Variants in ADAM10 observed in about 807,000 individuals in gnomAD.
The protein encoded by ADAM10 is ADAM metallopeptidase domain 10.
Under a neutral mutation model 90.1 loss-of-function variants are expected in ADAM10, and 17 were observed. The ratio of observed to expected loss-of-function variants is 0.19; its 90% CI spans 0.13 to 0.28. The LOEUF is 0.28. Ranked by LOEUF, ADAM10 falls within the 10% of genes least tolerant of loss-of-function variation. ADAM10 has a pLI of 1.00. For missense variants in ADAM10, 610 were observed against 914.3 expected (o/e 0.67, Z 4.29); for synonymous variants, 310 against 298.6 (o/e 1.04, Z -0.40).
rs1350725865 is a variant in ADAM10, at chr15:58,592,553, T to C, written c.*4994A>G. 6 of 152,118 alleles carry C rather than the reference T, an allele frequency of 3.9e-5. No individual in the cohort carries two copies. Among genetic ancestry groups the C allele is most frequent in the Non-Finnish European group, 7.4e-5 (5 of 68,012 alleles). 9.4% of individuals were successfully genotyped at this position (152,118 alleles called of 1,614,324 possible). A position where few individuals can be genotyped will look rare whatever the true frequency, so the allele number is the denominator to read the frequency against. ...TACATTTCTTTCTTACAGGTGGAAT[T>C]AGTGATTTATCCAAAGGAGTCTGGT... On this transcript the variant is annotated 3_prime_UTR_variant, in exon 16 of 16. Coordinates refer to ENST00000260408, the MANE Select transcript of ADAM10 (RefSeq NM_001110.4).
chr15:58,682,148 T>C (rs1897458934), intron 3 of ADAM10, 48 bp downstream of exon 3: 2 of 1,596,742 alleles, frequency 1.3e-6, no homozygotes, highest in Admixed American at 1.7e-5. Context: ...TATCTTTGTG[T>C]AGAAAAAAAA....
At chr15:58,699,489 T>TGGCTCAC (rs1194819563) in intron 2 of ADAM10, among the ~76,000 whole-genome samples, 1 of 152,200 alleles carries the variant, frequency 6.6e-6, no homozygotes, top group East Asian at 1.9e-4. Flanking sequence ...CTGGGCACAG[T>TGGCTCAC]GGCTCACATC....
intron 1 of ADAM10, among the ~76,000 whole-genome samples, chr15:58,723,656 G>C (rs1341811296): frequency 3.3e-5 from 5 of 151,848 alleles, no homozygotes; most frequent in African/African-American, 1.2e-4. Context: ...AGTGAGCCAA[G>C]GTCACGCCAC....
intron 1 of ADAM10, among the ~76,000 whole-genome samples, chr15:58,719,328 G>GA (rs376317340): frequency 0.07 from 10,102 of 144,608 alleles, 991 homozygotes; most frequent in African/African-American, 0.22. Context: ...CCGTCTCAAA[G>GA]AAAAAAAAAA....
At chr15:58,616,162 TCAACTC>T (rs1256654748) in intron 11 of ADAM10, among the ~76,000 whole-genome samples, 1 of 152,084 alleles carries the variant, frequency 6.6e-6, no homozygotes, top group Non-Finnish European at 1.5e-5. Flanking sequence ...AAGAGAGAGA[TCAACTC>T]CAATAAAGTA....
At position 58,660,548 on chromosome 15, in the gene ADAM10, C is replaced by T. The variant is rs539034896; in HGVS notation, c.585+4549G>A. On this transcript the variant is annotated intron_variant, in intron 5 of 15. Coordinates refer to ENST00000260408, the MANE Select transcript of ADAM10 (RefSeq NM_001110.4). Reference sequence around the variant, plus strand: ...GGCCAGGTTGGTCTTGAACTCTTGGCCTCAAGCAATCTTCACACCTCAGCA... The same window carrying T: ...GGCCAGGTTGGTCTTGAACTCTTGGTCTCAAGCAATCTTCACACCTCAGCA... 1.1e-4 allele frequency among the ~76,000 whole-genome samples: 16 copies of T among 152,090 alleles called. No individual in the cohort carries two copies. In the East Asian group the frequency reaches 2.7e-3, roughly 26 times the overall value.
chr15:58,626,602 A>G (rs529862895), intron 10 of ADAM10, among the ~76,000 whole-genome samples: 1 of 152,342 alleles, frequency 6.6e-6, no homozygotes, highest in African/African-American at 2.4e-5. Context: ...TGGTCTATAC[A>G]TACAATGGAG....
At chr15:58,599,491 G>GGA in intron 15 of ADAM10, 107 bp downstream of exon 15, 1 of 1,328,716 alleles carries the variant, frequency 7.5e-7, no homozygotes. Context: ...CCATTCTTAC[G>GGA]GAGAAAGTAC....
At chr15:58,646,438 T>G (rs1192747163) in intron 5 of ADAM10, among the ~76,000 whole-genome samples, 16 of 152,212 alleles carry the variant, frequency 1.1e-4, no homozygotes, top group African/African-American at 3.9e-4. Flanking sequence ...AACATGTATT[T>G]TAATATGTAT....
At chr15:58,737,006 C>T (rs1348848773) in intron 1 of ADAM10, among the ~76,000 whole-genome samples, 1 of 151,914 alleles carries the variant, frequency 6.6e-6, no homozygotes, top group African/African-American at 2.4e-5. Context: ...GCAAGAGTGG[C>T]AGAAAAATGA....
rs1421955625 is a variant in ADAM10 at position 58,589,029 on chromosome 15, AATGAG to A, written c.*8513_*8517del. 3.9e-5 allele frequency: 6 copies of A among 152,258 alleles called. No individual in the cohort carries two copies. The highest frequency in any genetic ancestry group is 3.9e-4 in the Admixed American group (6 of 15,288). The allele number at this position is 152,258 out of a possible 1,614,324, so 9.4% of individuals were successfully genotyped here. A position where few individuals can be genotyped will look rare whatever the true frequency, so the allele number is the denominator to read the frequency against. ...GAGGTTGTGCTGCCACAGGATTTAG[AATGAG>A]ATATGTTAAAAGTTAAAAATACAGC... On this transcript the variant is annotated 3_prime_UTR_variant, in exon 16 of 16. Coordinates refer to ENST00000260408, the MANE Select transcript of ADAM10 (RefSeq NM_001110.4).
At chr15:58,678,752 C>T (rs1419668731) in intron 4 of ADAM10, among the ~76,000 whole-genome samples, 1 of 152,174 alleles carries the variant, frequency 6.6e-6, no homozygotes, top group East Asian at 1.9e-4. Context: ...AATATCCACA[C>T]TGAAATTTAT....
intron 4 of ADAM10, among the ~76,000 whole-genome samples, chr15:58,669,222 C>T (rs975064344): frequency 2.6e-5 from 4 of 152,104 alleles, no homozygotes; most frequent in African/African-American, 4.8e-5. Context: ...CATTTAAGTA[C>T]CAACTTCCCA....
chr15:58,621,787 G>T (rs547976096), intron 10 of ADAM10, among the ~76,000 whole-genome samples, 166 bp from the exon 11 acceptor site: 4 of 152,172 alleles, frequency 2.6e-5, no homozygotes, highest in African/African-American at 9.6e-5. Flanking sequence ...TCTAACAGGG[G>T]GTCTGCTACT....
chr15:58,597,331 A>T lies in ADAM10; in HGVS notation c.*216T>A, dbSNP rs1281927334. ...AGTTAAAAATATCTGTTCATAAGAA[A>T]ATTGGGTTCCTTTTCCACCTCCCAC... On this transcript the variant is annotated 3_prime_UTR_variant, in exon 16 of 16. Transcript: ENST00000260408. The T allele has an allele frequency of 2.0e-6, 3 of 1,497,116 alleles. No individual in the cohort carries two copies. In the East Asian group the frequency reaches 7.4e-5, roughly 37 times the overall value. 92.7% of individuals were successfully genotyped at this position (1,497,116 alleles called of 1,614,324 possible).
chr15:58,694,558 A>C (rs778293878), intron 2 of ADAM10, among the ~76,000 whole-genome samples: 1 of 152,248 alleles, frequency 6.6e-6, no homozygotes, highest in Admixed American at 6.5e-5. Context: ...AACAAACAAA[A>C]AAAGCTTATG....
chr15:58,661,002 C>G (rs866374179), intron 5 of ADAM10, among the ~76,000 whole-genome samples: 89 of 152,368 alleles, frequency 5.8e-4, no homozygotes, highest in African/African-American at 1.9e-3. Flanking sequence ...CCCGGCTCTA[C>G]GGTTTACAAT....
intron 1 of ADAM10, among the ~76,000 whole-genome samples, chr15:58,728,869 G>C (rs894325427): frequency 6.6e-6 from 1 of 152,122 alleles, no homozygotes; most frequent in Non-Finnish European, 1.5e-5. Flanking sequence ...CATAACTGTA[G>C]TTTGCTAATA....
intron 1 of ADAM10, among the ~76,000 whole-genome samples, chr15:58,722,947 G>T (rs1478388584): frequency 6.6e-6 from 1 of 151,816 alleles, no homozygotes. Flanking sequence ...GACCAGGCTG[G>T]TCTCAAACTC....
Sources: allele counts gnomAD v4.1 joint callset (sites outside exome capture counted in the v4.1 genomes callset), GRCh38; gene constraint gnomAD v4.1.1; transcripts MANE v1.5; gene names NCBI Gene and HGNC (gene_info 2026-07-23, HGNC 2026-07-21).